Variants in ITGB3 observed in about 807,000 individuals in gnomAD.
ITGB3 encodes integrin beta-3.
In ITGB3, 48 loss-of-function variants were observed where a neutral mutation model predicts 85.8. That is an observed-to-expected ratio of 0.56 (90% CI 0.44 to 0.71). The LOEUF (loss-of-function observed/expected upper bound fraction) is 0.71. ITGB3 is among the 30% of genes least tolerant of loss of function. ITGB3 has a pLI of 0.00. For missense variants in ITGB3, 861 were observed against 1,019.1 expected, an observed-to-expected ratio of 0.84 and a Z score of 2.11; for synonymous variants, 363 against 395.6, an observed-to-expected ratio of 0.92 and a Z score of 0.98.
intron 1 of ITGB3, among the ~76,000 whole-genome samples, chr17:47,256,149 C>T (rs980552127): frequency 4.6e-5 from 7 of 152,048 alleles, no homozygotes; most frequent in Admixed American, 1.3e-4. Flanking sequence ...CATTGACATA[C>T]GTAAGTTTGC....
intron 2 of ITGB3, among the ~76,000 whole-genome samples, chr17:47,277,433 A>G (rs2065067982): frequency 6.6e-6 from 1 of 152,156 alleles, no homozygotes; most frequent in South Asian, 2.1e-4. Flanking sequence ...AGATAAATAC[A>G]GAACATCCAG....
chr17:47,295,222 G>A (rs747550342), intron 10 of ITGB3, among the ~76,000 whole-genome samples: 5 of 152,142 alleles, frequency 3.3e-5, no homozygotes, highest in Non-Finnish European at 7.4e-5. Context: ...ACTTGACTGG[G>A]GACAGGGTAG....
rs1204618876 is a variant in ITGB3, at chr17:47,312,290, G to A, written c.*2086G>A. Among the ~76,000 whole-genome samples the A allele has an allele frequency of 1.3e-5, 2 of 152,182 alleles. No homozygotes were observed. The highest frequency in any genetic ancestry group is 2.9e-5 in the Non-Finnish European group (2 of 68,044). On this transcript the variant is annotated 3_prime_UTR_variant, in exon 15 of 15. Coordinates refer to ENST00000559488, the MANE Select transcript of ITGB3 (RefSeq NM_000212.3). ...GCTGAAATATCTATTCTGTATTATT[G>A]TGTTAACATTGAGAATAAGCCTTGG...
chr17:47,291,539 C>T (rs1398820280), intron 9 of ITGB3: 1 of 290,974 alleles, frequency 3.4e-6, no homozygotes, highest in Non-Finnish European at 6.4e-6. Context: ...CCGCTTCTGC[C>T]TAAGGGGAGA....
At chr17:47,260,746 C>G (rs1259183120) in intron 1 of ITGB3, among the ~76,000 whole-genome samples, 1 of 151,780 alleles carries the variant, frequency 6.6e-6, no homozygotes, top group Non-Finnish European at 1.5e-5. Context: ...GACCATGCTG[C>G]CCTGGGCAGT....
intron 13 of ITGB3, among the ~76,000 whole-genome samples, chr17:47,304,602 T>G (rs1303694898): frequency 6.7e-6 from 1 of 149,002 alleles, no homozygotes; most frequent in Non-Finnish European, 1.5e-5. Flanking sequence ...GTTTTGTTTT[T>G]GTTTTTGTTT....
chr17:47,300,426 C>G, intron 11 of ITGB3, 52 bp from the exon 12 acceptor site: 2 of 1,337,300 alleles, frequency 1.5e-6, no homozygotes, highest in Non-Finnish European at 2.2e-6. Flanking sequence ...GACTGGGATA[C>G]GCTTAGGCTT....
rs2065221552 is a variant in ITGB3, at chr17:47,312,979, T to G, written c.*2775T>G. Among the ~76,000 whole-genome samples the G allele has an allele frequency of 6.6e-6, 1 of 152,228 alleles. No homozygotes were observed. The highest frequency in any genetic ancestry group is 1.5e-5 in the Non-Finnish European group (1 of 68,042). ...GAGATTCCCAGGTCATCCATGATTT[T>G]TTTTTTAATTTGAGACAAAGCCTCA... On this transcript the variant is annotated 3_prime_UTR_variant, in exon 15 of 15. Transcript: ENST00000559488.
chr17:47,269,339 C>T (rs1435259982), intron 1 of ITGB3, among the ~76,000 whole-genome samples: 5 of 152,154 alleles, frequency 3.3e-5, no homozygotes, highest in African/African-American at 9.7e-5. Flanking sequence ...TCTTTTCTAT[C>T]ACATCGTCAG....
intron 2 of ITGB3, chr17:47,279,797 GCATTC>G (rs1299732189): frequency 6.6e-6 from 1 of 152,276 alleles, no homozygotes; most frequent in Non-Finnish European, 1.5e-5. Flanking sequence ...GCTCCTCACT[GCATTC>G]TGATTTATCC....
At chr17:47,281,988 AC>A (rs2143086708) in intron 2 of ITGB3, among the ~76,000 whole-genome samples, 1 of 152,194 alleles carries the variant, frequency 6.6e-6, no homozygotes, top group East Asian at 1.9e-4. Flanking sequence ...TTGCTCTGTC[AC>A]CCAGGCTGGA....
chr17:47,302,636 T>C lies in ITGB3; in HGVS notation c.2015-85T>C, dbSNP rs3760372. On this transcript the variant is annotated intron_variant, in intron 12 of 14. Transcript: ENST00000559488. ...CAGGGTTTCCTGTCACATACTTCCC[T>C]GGAAGTCCTGTGATAGGGGTTTGGA... 0.69 allele frequency: 1,060,889 copies of C among 1,529,136 alleles called. 369,405 individuals carry two copies. The highest frequency in any genetic ancestry group is 0.83 in the East Asian group (36,788 of 44,366). 94.7% of individuals were successfully genotyped at this position (1,529,136 alleles called of 1,614,324 possible).
intron 12 of ITGB3, 102 bp downstream of exon 12, chr17:47,300,680 C>A: frequency 1.2e-6 from 1 of 825,728 alleles, no homozygotes; most frequent in Non-Finnish European, 2.0e-6. Context: ...GGAAGCGTGA[C>A]TTCTACCTCA....
chr17:47,283,979 A>G (rs2065093658), intron 3 of ITGB3, among the ~76,000 whole-genome samples: 1 of 152,200 alleles, frequency 6.6e-6, no homozygotes. Flanking sequence ...ATAGGTACAC[A>G]AGACCTTTAG....
At chr17:47,288,379 T>G (rs967229838) in intron 6 of ITGB3, among the ~76,000 whole-genome samples, 1 of 152,214 alleles carries the variant, frequency 6.6e-6, no homozygotes, top group Non-Finnish European at 1.5e-5. Context: ...ATAAGTTGTT[T>G]TATATGGCCA....
At chr17:47,258,341 A>G (rs1193005413) in intron 1 of ITGB3, among the ~76,000 whole-genome samples, 1 of 152,126 alleles carries the variant, frequency 6.6e-6, no homozygotes, top group Non-Finnish European at 1.5e-5. Context: ...CCCGTGTGGG[A>G]ACTGCTGGCA....
intron 2 of ITGB3, among the ~76,000 whole-genome samples, chr17:47,276,344 T>C (rs930059296): frequency 5.3e-5 from 8 of 152,012 alleles, no homozygotes; most frequent in African/African-American, 1.9e-4. Flanking sequence ...AGCCCTTAGG[T>C]CACATAACCA....
In ITGB3 at chr17:47,307,508, C is replaced by G. The variant is rs140221649; in HGVS notation, c.2172C>G (p.Leu724=). ...GCCCTGACATCCTGGTGGTCCTGCT[C>G]TCAGTGATGGGGGCCATTCTGCTCA... ...PKGPDILVVL[L]SVMGAILLIG... The change falls in exon 14 of 15, where the codon CTC becomes CTG. Residue 724 remains leucine, a synonymous_variant. Coordinates refer to ENST00000559488, the MANE Select transcript of ITGB3 (RefSeq NM_000212.3). The G allele has an allele frequency of 8.1e-6, 13 of 1,614,124 alleles. No homozygotes were observed. Among genetic ancestry groups the G allele is most frequent in the Middle Eastern group, 1.7e-4 (1 of 6,052 alleles).
chr17:47,259,182 C>T (rs572264353), intron 1 of ITGB3, among the ~76,000 whole-genome samples: 5 of 152,304 alleles, frequency 3.3e-5, no homozygotes, highest in African/African-American at 1.2e-4. Flanking sequence ...ATTATTCTTG[C>T]TCATAGGAGT....
Sources: allele counts gnomAD v4.1 joint callset (sites outside exome capture counted in the v4.1 genomes callset), GRCh38; gene constraint gnomAD v4.1.1; transcripts MANE v1.5; gene names NCBI Gene and HGNC (gene_info 2026-07-23, HGNC 2026-07-21).